CRY2: variants seen among roughly 807,000 people sequenced by gnomAD.
CRY2 encodes cryptochrome-2.
A neutral mutation model predicts 69.5 loss-of-function variants in CRY2; 31 were observed. The ratio of observed to expected loss-of-function variants is 0.45; its 90% CI spans 0.34 to 0.60. The LOEUF (loss-of-function observed/expected upper bound fraction) is 0.60, where lower values mean the gene tolerates loss of function less well. Ranked by LOEUF, CRY2 falls within the 20% of genes least tolerant of loss-of-function variation. CRY2 has a pLI of 0.02. For missense variants in CRY2, 606 were observed against 797.8 expected, an observed-to-expected ratio of 0.76 and a Z score of 2.90; for synonymous variants, 303 against 312.2, an observed-to-expected ratio of 0.97 and a Z score of 0.31.
intron 3 of CRY2, 82 bp from the exon 4 acceptor site, chr11:45,860,766 A>C (rs1309372706): frequency 2.0e-6 from 3 of 1,486,198 alleles, no homozygotes; most frequent in Non-Finnish European, 2.8e-6. Context: ...AAGCCTTCAG[A>C]GTCTGGGTTC....
chr11:45,871,999 C>T (rs979753465), intron 10 of CRY2, 93 bp from the exon 11 acceptor site: 3 of 1,513,954 alleles, frequency 2.0e-6, no homozygotes, highest in African/African-American at 1.4e-5. Context: ...GATAAGTGTG[C>T]TCCCTGTCCC....
rs755311944 is a variant in CRY2, at chr11:45,856,067, G to A, written c.301G>A (p.Asp101Asn). The A allele has an allele frequency of 1.9e-5, 30 of 1,614,124 alleles. No homozygotes were observed. The South Asian group carries it at 2.0e-4, about 11-fold the overall frequency. Reference protein sequence around the residue: ...RLFVVRGQPADVFPRLFKEWG... With the variant: ...RLFVVRGQPANVFPRLFKEWG... ...GTTTGTAGTCCGGGGACAGCCAGCC[G>A]ACGTGTTCCCAAGGCTGTTCAAGGT... The change falls in exon 2 of 12, where the codon GAC becomes AAC. Residue 101 changes from aspartate to asparagine, a missense_variant. Transcript: ENST00000616080.
intron 10 of CRY2, among the ~76,000 whole-genome samples, chr11:45,871,751 C>G (rs1178841914): frequency 6.6e-6 from 1 of 152,234 alleles, no homozygotes; most frequent in African/African-American, 2.4e-5. Context: ...GGGCCCTGCT[C>G]TTTGCTGCTT....
At chr11:45,879,151 C>T (rs1342036880) in intron 11 of CRY2, among the ~76,000 whole-genome samples, 1 of 151,766 alleles carries the variant, frequency 6.6e-6, no homozygotes, top group Non-Finnish European at 1.5e-5. Context: ...ATCGCTTGAA[C>T]CTGGGAGGCA....
intron 1 of CRY2, among the ~76,000 whole-genome samples, chr11:45,852,071 CCT>C (rs1287794442): frequency 1.5e-4 from 23 of 152,246 alleles, no homozygotes; most frequent in African/African-American, 5.5e-4. Context: ...GTTATAGTGT[CCT>C]CTCTATATTT....
At chr11:45,848,185 A>G (rs2134624222) in intron 1 of CRY2, among the ~76,000 whole-genome samples, 2 of 152,224 alleles carry the variant, frequency 1.3e-5, no homozygotes, top group South Asian at 4.2e-4. Flanking sequence ...GCTCGTTTGA[A>G]TCCGCCCTAC....
chr11:45,874,371 G>T (rs954255220), intron 11 of CRY2, among the ~76,000 whole-genome samples: 3 of 152,166 alleles, frequency 2.0e-5, no homozygotes, highest in Admixed American at 6.5e-5. Flanking sequence ...AACAAATAGG[G>T]GCTTATTTTT....
At chr11:45,874,135 G>A (rs2086407827) in intron 11 of CRY2, among the ~76,000 whole-genome samples, 1 of 152,068 alleles carries the variant, frequency 6.6e-6, no homozygotes, top group Non-Finnish European at 1.5e-5. Context: ...TACAAAATTA[G>A]CTGGCATGGT....
At chr11:45,877,660 T>A (rs1004099241) in intron 11 of CRY2, among the ~76,000 whole-genome samples, 5 of 152,214 alleles carry the variant, frequency 3.3e-5, no homozygotes, top group African/African-American at 1.2e-4. Context: ...TCAGTGAATG[T>A]TTTATGAGTT....
At chr11:45,867,970 G>A in intron 6 of CRY2, 1 of 588,938 alleles carries the variant, frequency 1.7e-6, no homozygotes. Flanking sequence ...ATGAAGCCCA[G>A]ACCATCATGT....
chr11:45,854,048 C>A (rs995098380), intron 1 of CRY2, among the ~76,000 whole-genome samples: 6 of 152,176 alleles, frequency 3.9e-5, no homozygotes, highest in African/African-American at 1.4e-4. Flanking sequence ...AAGTTGTGTA[C>A]GTCAGAGGCA....
intron 1 of CRY2, among the ~76,000 whole-genome samples, chr11:45,848,926 G>C (rs906681205): frequency 6.6e-6 from 1 of 152,126 alleles, no homozygotes; most frequent in Non-Finnish European, 1.5e-5. Context: ...CAGTTTTCAG[G>C]CTGCCTTATT....
chr11:45,855,895 C>G (rs942289017), intron 1 of CRY2, 87 bp from the exon 2 acceptor site: 2 of 1,181,432 alleles, frequency 1.7e-6, no homozygotes, highest in Non-Finnish European at 2.5e-6. Context: ...TGGGCATAAA[C>G]AGCGAACCAG....
Position 45,858,770 on chromosome 11 carries a change from G to T in CRY2, c.364G>T (p.Glu122Ter). 1 of 1,614,170 alleles carries T rather than the reference G, an allele frequency of 6.2e-7. No individual in the cohort carries two copies. Among genetic ancestry groups the T allele is most frequent in the South Asian group, 1.1e-5 (1 of 91,086 alleles). ...VTRLTFEYDSEPFGKERDAAI... is the reference protein window; with the variant it reads ...VTRLTFEYDS ...CCGCTTGACCTTTGAATATGACTCTGAACCCTTTGGGAAAGAACGGGATGC... is the reference window on the plus strand; with the variant it reads ...CCGCTTGACCTTTGAATATGACTCTTAACCCTTTGGGAAAGAACGGGATGC... The change falls in exon 3 of 12, where the codon GAA becomes TAA. Residue 122 changes from glutamate (E) to a stop codon, truncating the protein, a stop_gained. Transcript: ENST00000616080. LOFTEE classifies it high-confidence loss of function.
intron 1 of CRY2, among the ~76,000 whole-genome samples, chr11:45,850,578 T>G (rs2086191549): frequency 6.6e-6 from 1 of 152,304 alleles, no homozygotes; most frequent in East Asian, 1.9e-4. Context: ...CTGCATTCTC[T>G]TTTGTGCACA....
intron 5 of CRY2, among the ~76,000 whole-genome samples, chr11:45,863,958 A>G (rs1443543958): frequency 6.6e-6 from 1 of 152,194 alleles, no homozygotes. Flanking sequence ...CTATAAAAGT[A>G]TTCTGATTAT....
chr11:45,873,346 C>A (rs2086401421), intron 11 of CRY2, among the ~76,000 whole-genome samples: 1 of 152,212 alleles, frequency 6.6e-6, no homozygotes, highest in African/African-American at 2.4e-5. Flanking sequence ...CTGAGATGGG[C>A]ATTTGATGCC....
intron 1 of CRY2, among the ~76,000 whole-genome samples, chr11:45,854,802 C>T (rs997814391): frequency 1.3e-5 from 2 of 152,228 alleles, no homozygotes; most frequent in African/African-American, 4.8e-5. Context: ...TGGTCTTAGA[C>T]AAATTAATTC....
rs3061865 is a variant in CRY2 at position 45,882,263 on chromosome 11, A to AGTGT, written c.*1366_*1369dup. On this transcript the variant is annotated 3_prime_UTR_variant, in exon 12 of 12. Coordinates refer to ENST00000616080, the MANE Select transcript of CRY2 (RefSeq NM_021117.5). ...CCTGTGGCCTGCACTTGAGCCACAAAGTGTGTGTGTGTGTGTGCGTGTGTG... is the reference window on the plus strand; with the variant it reads ...CCTGTGGCCTGCACTTGAGCCACAAAGTGTGTGTGTGTGTGTGTGTGCGTGTGTG... 8.3e-3 allele frequency: 1,556 copies of AGTGT among 188,508 alleles called. 22 individuals are homozygous for AGTGT. Among genetic ancestry groups the AGTGT allele is most frequent in the African/African-American group, 0.032 (1,352 of 42,728 alleles). The allele number at this position is 188,508 out of a possible 1,614,324, so 11.7% of individuals were successfully genotyped here.
Sources: allele counts gnomAD v4.1 joint callset (sites outside exome capture counted in the v4.1 genomes callset), GRCh38; gene constraint gnomAD v4.1.1; transcripts MANE v1.5; gene names NCBI Gene and HGNC (gene_info 2026-07-23, HGNC 2026-07-21).